MLLT10: variants seen among roughly 807,000 people sequenced by gnomAD.
MLLT10 encodes the protein MLLT10 histone lysine methyltransferase DOT1L cofactor.
MLLT10 carries 30 observed loss-of-function variants against 129.1 expected under a neutral mutation model. That is an observed-to-expected ratio of 0.23 (90% confidence interval 0.17 to 0.32). The LOEUF (loss-of-function observed/expected upper bound fraction) is 0.32, where lower values mean the gene tolerates loss of function less well. Ranked by LOEUF, MLLT10 falls within the 10% of genes least tolerant of loss-of-function variation. The pLI, the probability that MLLT10 is intolerant of heterozygous loss-of-function variation, is 1.00. For synonymous variants in MLLT10, 490 were observed against 446.4 expected (o/e 1.10, Z -1.23); for missense variants, 1,119 against 1,268.3 (o/e 0.88, Z 1.79).
chr10:21,738,546 T>A (rs2058569336), intron 21 of MLLT10: 6 of 1,280,966 alleles, frequency 4.7e-6, no homozygotes, highest in Non-Finnish European at 6.1e-6. Flanking sequence ...TTTACAGGGA[T>A]CAAACTTAAC....
At chr10:21,596,402 T>G (rs571900767) in intron 5 of MLLT10, among the ~76,000 whole-genome samples, 1 of 152,324 alleles carries the variant, frequency 6.6e-6, no homozygotes, top group South Asian at 2.1e-4. Context: ...AACTGTAAAT[T>G]TAATTAAGCA....
intron 9 of MLLT10, among the ~76,000 whole-genome samples, chr10:21,661,471 T>C (rs567715439): frequency 1.2e-4 from 19 of 152,364 alleles, no homozygotes; most frequent in South Asian, 1.0e-3. Flanking sequence ...AGGATTGTTA[T>C]GTCTTTTTGA....
intron 9 of MLLT10, among the ~76,000 whole-genome samples, chr10:21,661,328 G>A (rs116130982): frequency 1.3e-5 from 2 of 152,164 alleles, no homozygotes; most frequent in Non-Finnish European, 2.9e-5. Context: ...TTGATTGATA[G>A]TACTGTTGAG....
intron 8 of MLLT10, among the ~76,000 whole-genome samples, chr10:21,642,931 A>T (rs1487502275): frequency 5.9e-5 from 9 of 152,218 alleles, no homozygotes; most frequent in Non-Finnish European, 1.2e-4. Context: ...TGTTTTAATT[A>T]CATGTGTCAG....
At chr10:21,703,337 T>C (rs535184533) in intron 13 of MLLT10, among the ~76,000 whole-genome samples, 48 of 152,242 alleles carry the variant, frequency 3.2e-4, no homozygotes, top group African/African-American at 1.1e-3. Context: ...CCCTTCTATG[T>C]TGACTGTAAG....
At position 21,735,009 on chromosome 10, in the gene MLLT10, CAG is replaced by C. The variant is rs915497883; in HGVS notation, c.2859-127_2859-126del. 18 of 651,080 alleles carry C rather than the reference CAG, an allele frequency of 2.8e-5. 1 individual carries two copies. Among genetic ancestry groups the C allele is most frequent in the South Asian group, 2.5e-4 (13 of 52,674 alleles). 40.3% of individuals were successfully genotyped at this position (651,080 alleles called of 1,614,324 possible). ...TATAGAAATTGTACATAACTGTTTTCAGAGTGTTTGGATTCAGAATTGTACTT... is the reference window on the plus strand; with the variant it reads ...TATAGAAATTGTACATAACTGTTTTCAGTGTTTGGATTCAGAATTGTACTT... On this transcript the variant is annotated intron_variant, in intron 20 of 22. Transcript: ENST00000307729.
At chr10:21,588,814 G>A (rs1160142910) in intron 4 of MLLT10, among the ~76,000 whole-genome samples, 1 of 149,470 alleles carries the variant, frequency 6.7e-6, no homozygotes, top group African/African-American at 2.5e-5. Flanking sequence ...TGACTTGGTT[G>A]TTGATCTTTT....
intron 17 of MLLT10, 135 bp from the exon 18 acceptor site, chr10:21,732,758 CAAAACT>C: frequency 1.5e-6 from 1 of 688,882 alleles, no homozygotes; most frequent in Non-Finnish European, 2.2e-6. Flanking sequence ...AATTTAGGAA[CAAAACT>C]TTATCATTTA....
At chr10:21,577,408 G>T (rs1322046234) in intron 3 of MLLT10, among the ~76,000 whole-genome samples, 2 of 149,962 alleles carry the variant, frequency 1.3e-5, no homozygotes, top group African/African-American at 2.5e-5. Context: ...GTTTAATCTT[G>T]AAAAACTGAC....
At chr10:21,632,767 GTAGA>G (rs1288575100) in intron 8 of MLLT10, among the ~76,000 whole-genome samples, 1 of 152,076 alleles carries the variant, frequency 6.6e-6, no homozygotes, top group Non-Finnish European at 1.5e-5. Context: ...GAGTGTTATA[GTAGA>G]TAGATCTGAC....
intron 4 of MLLT10, among the ~76,000 whole-genome samples, chr10:21,591,631 A>T (rs1012804105): frequency 6.6e-6 from 1 of 152,032 alleles, no homozygotes; most frequent in Non-Finnish European, 1.5e-5. Context: ...TCCTATATAT[A>T]TATACACAAG....
At chr10:21,705,866 C>G (rs1160905465) in intron 13 of MLLT10, among the ~76,000 whole-genome samples, 1 of 152,162 alleles carries the variant, frequency 6.6e-6, no homozygotes, top group East Asian at 1.9e-4. Flanking sequence ...AACACAATCT[C>G]CTCGCAGTTC....
rs372777652 is a variant in MLLT10, at chr10:21,693,589, T to A, written c.1699+11332T>A. 3.9e-5 allele frequency among the ~76,000 whole-genome samples: 6 copies of A among 152,320 alleles called. No individual in the cohort carries two copies. In the East Asian group the frequency reaches 7.7e-4, roughly 20 times the overall value. Reference sequence around the variant, plus strand: ...AGATCATTTGTTTATTTTTGTGATATGTCTATGTATGACTTAAGTCTTCCT... The same window carrying A: ...AGATCATTTGTTTATTTTTGTGATAAGTCTATGTATGACTTAAGTCTTCCT... On this transcript the variant is annotated intron_variant, in intron 13 of 22. Coordinates refer to ENST00000307729, the MANE Select transcript of MLLT10 (RefSeq NM_001195626.3).
At position 21,534,351 on chromosome 10, in the gene MLLT10, T is replaced by C. The variant is rs1240506969; in HGVS notation, c.-170T>C. On this transcript the variant is annotated 5_prime_UTR_variant, in exon 1 of 23. The change abolishes an upstream ATG in the 5' untranslated region. Coordinates refer to ENST00000307729, the MANE Select transcript of MLLT10 (RefSeq NM_001195626.3). ...GCCTGTGCGGAGGCCCTCTTGATTA[T>C]GTGTGCCCTCTCCGGGCGCCCGCGT... The C allele has an allele frequency of 1.0e-5, 4 of 383,136 alleles. No individual in the cohort carries two copies. Among genetic ancestry groups the C allele is most frequent in the African/African-American group, 2.1e-5 (1 of 46,982 alleles). 23.7% of individuals were successfully genotyped at this position (383,136 alleles called of 1,614,324 possible).
At chr10:21,627,270 A>G (rs769156438) in intron 8 of MLLT10, among the ~76,000 whole-genome samples, 5 of 152,148 alleles carry the variant, frequency 3.3e-5, no homozygotes, top group African/African-American at 7.2e-5. Context: ...ACAAATAACA[A>G]TGCCTCTTTA....
chr10:21,552,420 T>A (rs2037226347), intron 3 of MLLT10, among the ~76,000 whole-genome samples: 1 of 150,450 alleles, frequency 6.6e-6, no homozygotes, highest in African/African-American at 2.5e-5. Context: ...GATGGAGTTT[T>A]GCTTTTGTCA....
chr10:21,741,598 G>A (rs1227923981), intron 22 of MLLT10, among the ~76,000 whole-genome samples: 10 of 152,162 alleles, frequency 6.6e-5, no homozygotes, highest in Admixed American at 3.9e-4. Context: ...AATCACAGCC[G>A]ATGACTTTCT....
intron 10 of MLLT10, 42 bp from the exon 11 acceptor site, chr10:21,673,308 C>T (rs557820514): frequency 7.2e-6 from 4 of 556,736 alleles, no homozygotes; most frequent in Admixed American, 3.7e-5. Flanking sequence ...CTGTCCCCCC[C>T]ACCCCCCAAC....
intron 5 of MLLT10, among the ~76,000 whole-genome samples, chr10:21,596,802 T>C (rs2043057242): frequency 6.6e-6 from 1 of 152,096 alleles, no homozygotes; most frequent in Non-Finnish European, 1.5e-5. Flanking sequence ...TTAGAGATCA[T>C]ATTATTTTGT....
Sources: gnomAD v4.1 joint callset for allele counts (sites outside exome capture counted in the v4.1 genomes callset) on GRCh38, gnomAD v4.1.1 for gene constraint, MANE v1.5 for transcripts, NCBI Gene and HGNC (gene_info 2026-07-23, HGNC 2026-07-21) for gene names.